Variants in PEX12 observed in about 807,000 individuals in gnomAD.
The protein encoded by PEX12 is peroxisomal biogenesis factor 12.
In PEX12, 31 loss-of-function variants were observed where a neutral mutation model predicts 32.5. The ratio of observed to expected loss-of-function variants is 0.95; its 90% CI spans 0.72 to 1.29. PEX12 has a LOEUF of 1.29. Among genes scored for constraint, PEX12 ranks in the 50% most tolerant of loss-of-function variants. The pLI is 0.00. For missense variants in PEX12, 359 were observed against 419.0 expected, an observed-to-expected ratio of 0.86 and a Z score of 1.25; for synonymous variants, 148 against 157.2, an observed-to-expected ratio of 0.94 and a Z score of 0.44.
rs1310172572 is a variant in PEX12 at position 35,575,421 on chromosome 17, T to C, written c.*361A>G. On this transcript the variant is annotated 3_prime_UTR_variant, in exon 3 of 3. Transcript: ENST00000225873. ...CCACCTCACTGTTCACTTTATTTTT[T>C]ATGCGGTCTAACCTGGGTTTTTCGT... 2 of 202,566 alleles carry C rather than the reference T, an allele frequency of 9.9e-6. No individual in the cohort carries two copies. Among genetic ancestry groups the C allele is most frequent in the Non-Finnish European group, 2.0e-5 (2 of 97,634 alleles). The allele number at this position is 202,566 out of a possible 1,614,324, so 12.5% of individuals were successfully genotyped here.
intron 2 of PEX12, among the ~76,000 whole-genome samples, chr17:35,576,821 C>T (rs1238706364): frequency 6.6e-6 from 1 of 152,138 alleles, no homozygotes; most frequent in Non-Finnish European, 1.5e-5. Context: ...AAGCAAGCAC[C>T]TAGCACAGGG....
At chr17:35,577,765 C>T in intron 1 of PEX12, 131 bp downstream of exon 1, 1 of 1,379,252 alleles carries the variant, frequency 7.3e-7, no homozygotes, top group South Asian at 1.2e-5. Context: ...GACTCAGTAA[C>T]TCTTAAGTCA....
chr17:35,578,128 T>C lies in PEX12; in HGVS notation c.-107A>G, dbSNP rs2072798912. The C allele has an allele frequency of 1.4e-6, 2 of 1,391,594 alleles. No individual in the cohort carries two copies. Among genetic ancestry groups the C allele is most frequent in the Non-Finnish European group, 2.0e-6 (2 of 985,578 alleles). The allele number at this position is 1,391,594 out of a possible 1,614,324, so 86.2% of individuals were successfully genotyped here. On this transcript the variant is annotated 5_prime_UTR_variant, in exon 1 of 3. Transcript: ENST00000225873. Reference sequence around the variant, plus strand: ...TGGGTGCTCAGTCTTAAAGGTAAACTTTCTGCATGATATCTGAAACTCGAA... The same window carrying C: ...TGGGTGCTCAGTCTTAAAGGTAAACCTTCTGCATGATATCTGAAACTCGAA...
At chr17:35,577,807 T>G in intron 1 of PEX12, 89 bp downstream of exon 1, 1 of 1,583,388 alleles carries the variant, frequency 6.3e-7, no homozygotes, top group Non-Finnish European at 8.7e-7. Context: ...ATTGGCTATT[T>G]CAAACGCTAG....
In PEX12 at chr17:35,577,417, G is replaced by C. The variant is rs1316034375; in HGVS notation, c.301C>G (p.Gln101Glu). Residue 101 changes from glutamine to glutamate, a missense_variant, in exon 2 of 3, where the codon CAG (glutamine) becomes GAG (glutamate). By Grantham distance (29) the Gln-to-Glu change is conservative. Coordinates refer to ENST00000225873, the MANE Select transcript of PEX12 (RefSeq NM_000286.3). ...GGGAGACCAGCACTAGCCAATCTCT[G>C]AGACTTGTGAGTGTCCCCCATTACA... is the stretch of plus-strand genomic sequence containing the variant. ...RIVMGDTHKS[Q>E]RLASAGLPKQ... The C allele has an allele frequency of 1.2e-6, 2 of 1,614,028 alleles. No homozygotes were observed. The highest frequency in any genetic ancestry group is 2.7e-5 in the African/African-American group (2 of 74,924).
chr17:35,578,370 C>T lies in PEX12; in HGVS notation c.-349G>A. ...CCTCTGGAGCTGCGAACCAGAAACG[C>T]CCCCTCCTCCCCAATCGTGAGAGCT... On this transcript the variant is annotated 5_prime_UTR_variant, in exon 1 of 3. Coordinates refer to ENST00000225873, the MANE Select transcript of PEX12 (RefSeq NM_000286.3). 8.5e-6 allele frequency: 3 copies of T among 353,066 alleles called. No individual in the cohort carries two copies. The highest frequency in any genetic ancestry group is 1.1e-5 in the Non-Finnish European group (2 of 180,190). 21.9% of individuals were successfully genotyped at this position (353,066 alleles called of 1,614,324 possible). A position where few individuals can be genotyped will look rare whatever the true frequency, so the allele number is the denominator to read the frequency against.
Position 35,574,802 on chromosome 17 carries a change from A to T in PEX12, c.*980T>A, listed in dbSNP as rs1332806251. 1 of 152,644 alleles carries T rather than the reference A, an allele frequency of 6.6e-6. No individual in the cohort carries two copies. The highest frequency in any genetic ancestry group is 1.5e-5 in the Non-Finnish European group (1 of 68,048). The allele number at this position is 152,644 out of a possible 1,614,324, so 9.5% of individuals were successfully genotyped here. A position where few individuals can be genotyped will look rare whatever the true frequency, so the allele number is the denominator to read the frequency against. On this transcript the variant is annotated 3_prime_UTR_variant, in exon 3 of 3. Coordinates refer to ENST00000225873, the MANE Select transcript of PEX12 (RefSeq NM_000286.3). ...ACCTCAAAAAGTCAAAGGTAGTCTG[A>T]ATGAAAAATTTATTTTAAACACCTC...
intron 1 of PEX12, 122 bp downstream of exon 1, chr17:35,577,774 C>T: frequency 7.1e-7 from 1 of 1,413,130 alleles, no homozygotes; most frequent in Non-Finnish European, 1.0e-6. Flanking sequence ...ACTCTTAAGT[C>T]ATGGGATACA....
chr17:35,577,563 TAGTG>T lies in PEX12; in HGVS notation c.151_154del (p.His51MetfsTer15), dbSNP rs2142231234. 2.5e-6 allele frequency: 4 copies of T among 1,613,308 alleles called. No homozygotes were observed. The highest frequency in any genetic ancestry group is 3.4e-6 in the Non-Finnish European group (4 of 1,180,010). ...ATCAAACCACCTCCACAAGAAGCCA[TAGTG>T]GGTGGGATTTGATTCTGCAAGAACC... is the stretch of plus-strand genomic sequence containing the variant. On this transcript the variant is annotated frameshift_variant, in exon 2 of 3. Transcript: ENST00000225873. LOFTEE classifies it high-confidence loss of function.
intron 1 of PEX12, 104 bp downstream of exon 1, chr17:35,577,792 T>G: frequency 6.6e-7 from 1 of 1,508,098 alleles, no homozygotes; most frequent in Non-Finnish European, 9.2e-7. Context: ...ACAAGTTATT[T>G]GCAAATTGGC....
rs2072781583 is a variant in PEX12 at position 35,575,877 on chromosome 17, C to T, written c.985G>A (p.Val329Met). ...TGGTGACTCCTCACATAATGAAACA[C>T]ACAGCGGTAACAAAACACATAGCCA... ...TSGYVFCYRC[V>M]FHYVRSHQAC... is the part of the protein sequence containing the mutation. Residue 329 changes from valine to methionine, a missense_variant, in exon 3 of 3, where the codon GTG becomes ATG. Coordinates refer to ENST00000225873, the MANE Select transcript of PEX12 (RefSeq NM_000286.3). The T allele has an allele frequency of 1.2e-6, 2 of 1,614,044 alleles. No individual in the cohort carries two copies. Among genetic ancestry groups the T allele is most frequent in the African/African-American group, 1.3e-5 (1 of 74,914 alleles).
Position 35,574,931 on chromosome 17 carries a change from G to A in PEX12, c.*851C>T, listed in dbSNP as rs1487085381. On this transcript the variant is annotated 3_prime_UTR_variant, in exon 3 of 3. Transcript: ENST00000225873. ...TTCATAGAAACTTTAGTAATAACCA[G>A]AATAATTCATGACACTTTAGCAAAC... 6.6e-6 allele frequency: 1 copy of A among 152,482 alleles called. No homozygotes were observed. The highest frequency in any genetic ancestry group is 1.5e-5 in the Non-Finnish European group (1 of 68,028). The allele number at this position is 152,482 out of a possible 1,614,324, so 9.4% of individuals were successfully genotyped here.
rs1397167479 is a variant in PEX12, at chr17:35,577,980, G to C, written c.42C>G (p.Ala14=). The C allele has an allele frequency of 1.2e-6, 2 of 1,614,138 alleles. No individual in the cohort carries two copies. The highest frequency in any genetic ancestry group is 1.7e-6 in the Non-Finnish European group (2 of 1,180,020). The change falls in exon 1 of 3, where the codon GCC becomes GCG. Residue 14 remains alanine (A), a synonymous_variant. Coordinates refer to ENST00000225873, the MANE Select transcript of PEX12 (RefSeq NM_000286.3). ...HGAHFTAASV[A]DDQPSIFEVV... ...CCTCAAAGATGGATGGCTGGTCATCGGCCACAGAAGCAGCTGTGAAGTGAG... is the reference window on the plus strand; with the variant it reads ...CCTCAAAGATGGATGGCTGGTCATCCGCCACAGAAGCAGCTGTGAAGTGAG...
chr17:35,577,561 C>T lies in PEX12; in HGVS notation c.157G>A (p.Gly53Ser), dbSNP rs1451435911. 1.9e-6 allele frequency: 3 copies of T among 1,613,320 alleles called. No homozygotes were observed. The highest frequency in any genetic ancestry group is 2.2e-5 in the East Asian group (1 of 44,878). ...VLAESNPTHY[G>S]FLWRWFDEIF... ...TCATCAAACCACCTCCACAAGAAGC[C>T]ATAGTGGGTGGGATTTGATTCTGCA... is the stretch of plus-strand genomic sequence containing the variant. The change falls in exon 2 of 3, where the codon GGC becomes AGC. Residue 53 changes from glycine (G) to serine (S), a missense_variant. Transcript: ENST00000225873.
In PEX12 at chr17:35,577,456, C is replaced by T. The variant is rs1232353549; in HGVS notation, c.262G>A (p.Gly88Ser). 1.1e-5 allele frequency: 18 copies of T among 1,613,930 alleles called. No individual in the cohort carries two copies. In the East Asian group the frequency reaches 2.0e-4, roughly 18 times the overall value. ...TCCCCCATTACAATTCTCTTTAAGC[C>T]GTAAAAGTTTTCAGAAAATGAGGCA... ...TSASFSENFYGLKRIVMGDTH... is the reference protein window; with the variant it reads ...TSASFSENFYSLKRIVMGDTH... The change falls in exon 2 of 3, where the codon GGC becomes AGC. Residue 88 changes from glycine (G) to serine (S), a missense_variant. Gly to Ser is a moderately conservative substitution (Grantham distance 56). Transcript: ENST00000225873.
At position 35,575,112 on chromosome 17, in the gene PEX12, C is replaced by T. The variant is rs577816577; in HGVS notation, c.*670G>A. ...CACTCAACCCCTATTCCTTTTTTAA[C>T]CAGTTTCTCAAGAAGGATATGGAGA... On this transcript the variant is annotated 3_prime_UTR_variant, in exon 3 of 3. Coordinates refer to ENST00000225873, the MANE Select transcript of PEX12 (RefSeq NM_000286.3). 1 of 152,634 alleles carries T rather than the reference C, an allele frequency of 6.6e-6. No homozygotes were observed. The highest frequency in any genetic ancestry group is 1.5e-5 in the Non-Finnish European group (1 of 68,224). 9.5% of individuals were successfully genotyped at this position (152,634 alleles called of 1,614,324 possible).
chr17:35,577,818 G>A, intron 1 of PEX12, 78 bp downstream of exon 1: 3 of 1,592,504 alleles, frequency 1.9e-6, no homozygotes, highest in South Asian at 2.2e-5. Flanking sequence ...CAAACGCTAG[G>A]CTACCAAATA....
In PEX12 at chr17:35,576,080, AG is replaced by A. The variant is rs754193088; in HGVS notation, c.781del (p.Asp262ThrfsTer15). 1.2e-6 allele frequency: 2 copies of A among 1,614,198 alleles called. No individual in the cohort carries two copies. The highest frequency in any genetic ancestry group is 1.7e-6 in the Non-Finnish European group (2 of 1,180,026). The stretch of plus-strand genomic sequence containing the variant: ...ATTTTCAGATGAGTACCACCAGTCA[AG>A]GAACTGCAAGAAGAATACACCCACA... ...LSVGVFFLQFLDWWYSSENQE... is the reference protein window; with the variant it reads ...LSVGVFFLQFXDWWYSSENQE... On this transcript the variant is annotated frameshift_variant, in exon 3 of 3. Coordinates refer to ENST00000225873, the MANE Select transcript of PEX12 (RefSeq NM_000286.3). LOFTEE classifies it high-confidence loss of function.
rs775665571 is a variant in PEX12 at position 35,577,611 on chromosome 17, T to A, written c.127-20A>T. The A allele has an allele frequency of 1.2e-6, 2 of 1,604,532 alleles. No homozygotes were observed. Among genetic ancestry groups the A allele is most frequent in the Middle Eastern group, 1.7e-4 (1 of 5,870 alleles). On this transcript the variant is annotated intron_variant, in intron 1 of 2. Transcript: ENST00000225873. ...AAGAACCTAAAGCAAAATAAAGCAA[T>A]AAGTGAAATTCATTCCATTACACAA... is the stretch of plus-strand genomic sequence containing the variant.
Sources: gnomAD v4.1 joint callset for allele counts (sites outside exome capture counted in the v4.1 genomes callset) on GRCh38, gnomAD v4.1.1 for gene constraint, MANE v1.5 for transcripts, NCBI Gene and HGNC (gene_info 2026-07-23, HGNC 2026-07-21) for gene names.